MLF1: variants seen among roughly 807,000 people sequenced by gnomAD.
MLF1 encodes myeloid leukemia factor 1, also known as myelodysplasia-myeloid leukemia factor 1.
MLF1 carries 37 observed loss-of-function variants against 38.3 expected under a neutral mutation model. The ratio of observed to expected loss-of-function variants is 0.96; its 90% CI spans 0.74 to 1.27. MLF1 has a LOEUF of 1.27. Ranked by LOEUF, MLF1 falls within the 50% of genes most tolerant of loss-of-function variation. The pLI, the probability that MLF1 is intolerant of heterozygous loss-of-function variation, is 0.00. For missense variants in MLF1, 331 were observed against 349.2 expected, an observed-to-expected ratio of 0.95 and a Z score of 0.42; for synonymous variants, 95 against 106.5, an observed-to-expected ratio of 0.89 and a Z score of 0.66.
chr3:158,599,691 A>G (rs1719457557), intron 5 of MLF1, among the ~76,000 whole-genome samples: 1 of 152,234 alleles, frequency 6.6e-6, no homozygotes, highest in South Asian at 2.1e-4. Flanking sequence ...TAGGAATCCC[A>G]CCATAAACTT....
chr3:158,577,002 T>G (rs1715561236), intron 1 of MLF1, among the ~76,000 whole-genome samples: 1 of 152,188 alleles, frequency 6.6e-6, no homozygotes, highest in Non-Finnish European at 1.5e-5. Flanking sequence ...ATTATTGTTG[T>G]CTCTTCTTTA....
At chr3:158,585,135 A>C (rs1576657899) in intron 1 of MLF1, among the ~76,000 whole-genome samples, 1 of 152,030 alleles carries the variant, frequency 6.6e-6, no homozygotes, top group East Asian at 1.9e-4. Flanking sequence ...GATCCCTAAC[A>C]TTGGTAGTGG....
chr3:158,605,221 T>A lies in MLF1; in HGVS notation c.*19T>A. 1 of 1,580,488 alleles carries A rather than the reference T, an allele frequency of 6.3e-7. No individual in the cohort carries two copies. Among genetic ancestry groups the A allele is most frequent in the South Asian group, 1.1e-5 (1 of 88,586 alleles). On this transcript the variant is annotated 3_prime_UTR_variant, in exon 8 of 8. Transcript: ENST00000466246. ...AAAATAAATAGCCATGCATTTGATT[T>A]GTTTAGTTTTGATTGTTTTAACAGT...
At chr3:158,581,719 C>T (rs58105681) in intron 1 of MLF1, among the ~76,000 whole-genome samples, 4,849 of 152,204 alleles carry the variant, frequency 0.032, 239 homozygotes, top group African/African-American at 0.11. Context: ...GAACAAGTAT[C>T]CAAACCGTAT....
intron 1 of MLF1, among the ~76,000 whole-genome samples, chr3:158,584,615 T>C (rs749868654): frequency 7.9e-5 from 12 of 151,578 alleles, no homozygotes; most frequent in South Asian, 2.1e-4. Context: ...TAAAGGAAAA[T>C]ATGCTTGCAA....
At chr3:158,602,063 A>G (rs1273643208) in intron 6 of MLF1, among the ~76,000 whole-genome samples, 3 of 151,808 alleles carry the variant, frequency 2.0e-5, no homozygotes, top group East Asian at 2.0e-4. Context: ...TGATCCGCCC[A>G]CCTCAGCCTC....
At chr3:158,574,403 C>T (rs1715045936) in intron 1 of MLF1, among the ~76,000 whole-genome samples, 1 of 150,546 alleles carries the variant, frequency 6.6e-6, no homozygotes, top group Non-Finnish European at 1.5e-5. Context: ...CTTGGTGGCT[C>T]ACGCTTGTAA....
intron 1 of MLF1, among the ~76,000 whole-genome samples, chr3:158,582,312 C>T (rs1716514627): frequency 7.5e-6 from 1 of 132,796 alleles, no homozygotes; most frequent in Admixed American, 7.6e-5. Flanking sequence ...AGAAAAAAGA[C>T]TGGAAAAAAA....
chr3:158,588,105 G>A (rs2082838), intron 1 of MLF1, among the ~76,000 whole-genome samples: 35,124 of 152,146 alleles, frequency 0.23, 5,489 homozygotes, highest in African/African-American at 0.45. Context: ...ATGTAAAGCA[G>A]CACTGTGGAG....
intron 2 of MLF1, 120 bp downstream of exon 2, chr3:158,592,701 C>T: frequency 1.2e-6 from 1 of 807,042 alleles, no homozygotes; most frequent in Non-Finnish European, 1.8e-6. Flanking sequence ...CTAGAAATCA[C>T]TATTATATAA....
intron 5 of MLF1, among the ~76,000 whole-genome samples, chr3:158,598,418 C>A (rs897307878): frequency 9.4e-5 from 14 of 148,816 alleles, no homozygotes; most frequent in African/African-American, 2.7e-4. Flanking sequence ...TTTTGTAGCC[C>A]CCCCACCCCC....
chr3:158,576,150 TTA>T (rs1715389324), intron 1 of MLF1, among the ~76,000 whole-genome samples: 1 of 152,210 alleles, frequency 6.6e-6, no homozygotes, highest in African/African-American at 2.4e-5. Context: ...ATGTTAAAAG[TTA>T]TATTTTAAAA....
At chr3:158,578,296 T>C (rs1715779108) in intron 1 of MLF1, among the ~76,000 whole-genome samples, 1 of 152,118 alleles carries the variant, frequency 6.6e-6, no homozygotes. Flanking sequence ...GAGAACCTTA[T>C]GTAATAGGTA....
In MLF1 at chr3:158,600,097, T is replaced by G; in HGVS notation, c.537T>G (p.Ala179=). Residue 179 remains alanine, a synonymous_variant, in exon 6 of 8, where the codon GCT becomes GCG. Transcript: ENST00000466246. ...TTGGTCATCATATCCATGACCGAGC[T>G]CATGTCATTAAAAAGTCAAAGAACA... ...MAIGHHIHDR[A]HVIKKSKNKK... 6.7e-7 allele frequency: 1 copy of G among 1,487,402 alleles called. No homozygotes were observed. The highest frequency in any genetic ancestry group is 1.5e-5 in the South Asian group (1 of 66,822). The allele number at this position is 1,487,402 out of a possible 1,614,324, so 92.1% of individuals were successfully genotyped here.
At chr3:158,604,215 C>T (rs1720198125) in intron 7 of MLF1, among the ~76,000 whole-genome samples, 2 of 152,208 alleles carry the variant, frequency 1.3e-5, no homozygotes, top group South Asian at 2.1e-4. Context: ...ATATTTGTCT[C>T]ATTTGAAAAA....
At chr3:158,586,706 G>A (rs1478173037) in intron 1 of MLF1, among the ~76,000 whole-genome samples, 2 of 152,156 alleles carry the variant, frequency 1.3e-5, no homozygotes, top group Non-Finnish European at 2.9e-5. Flanking sequence ...CCCCCGACTA[G>A]CTCATACCTG....
intron 1 of MLF1, among the ~76,000 whole-genome samples, chr3:158,576,818 G>A (rs1329075951): frequency 2.0e-5 from 3 of 151,618 alleles, no homozygotes; most frequent in Non-Finnish European, 4.4e-5. Context: ...GATTACAGGC[G>A]CACACCACCA....
rs758949500 is a variant in MLF1, at chr3:158,592,502, G to C, written c.116G>C (p.Arg39Thr). The C allele has an allele frequency of 1.9e-6, 3 of 1,612,430 alleles. No homozygotes were observed. Among genetic ancestry groups the C allele is most frequent in the Non-Finnish European group, 2.5e-6 (3 of 1,179,424 alleles). Residue 39 changes from arginine (R) to threonine (T), a missense_variant, in exon 2 of 8, where the codon AGA becomes ACA. Arg to Thr is a moderately conservative substitution (Grantham distance 71, BLOSUM62 -1). Coordinates refer to ENST00000466246, the MANE Select transcript of MLF1 (RefSeq NM_001369783.1). ...AGAAGTTTTTCTGAACCCTTTGGAA[G>C]AGACTTGCTCAGTATCTCTGATGGT... ...MIRSFSEPFG[R>T]DLLSISDGRG...
chr3:158,588,969 A>G (rs564450894), intron 1 of MLF1: 15 of 446,536 alleles, frequency 3.4e-5, no homozygotes, highest in Admixed American at 7.3e-5. Flanking sequence ...AAAACCAAGT[A>G]TAGTTTAAAT....
Sources: allele counts gnomAD v4.1 joint callset (sites outside exome capture counted in the v4.1 genomes callset), GRCh38; gene constraint gnomAD v4.1.1; transcripts MANE v1.5; gene names NCBI Gene and HGNC (gene_info 2026-07-23, HGNC 2026-07-21).